The following PTPRM variants were observed in gnomAD, a reference collection of about 807,000 sequenced individuals.
The protein encoded by PTPRM is receptor-type tyrosine-protein phosphatase mu.
Under a neutral mutation model 186.7 loss-of-function variants are expected in PTPRM, and 47 were observed. The observed-to-expected ratio is 0.25, with a 90% confidence interval of 0.20 to 0.32. PTPRM has a LOEUF of 0.32. PTPRM is among the 10% of genes least tolerant of loss of function. The pLI, the probability that PTPRM is intolerant of heterozygous loss-of-function variation, is 1.00. For missense variants in PTPRM, 1,494 were observed against 1,865.0 expected, an observed-to-expected ratio of 0.80 and a Z score of 3.66; for synonymous variants, 668 against 674.9, an observed-to-expected ratio of 0.99 and a Z score of 0.16.
chr18:7,925,268 A>G (rs1317303246), intron 4 of PTPRM, among the ~76,000 whole-genome samples: 1 of 152,206 alleles, frequency 6.6e-6, no homozygotes, highest in African/African-American at 2.4e-5. Context: ...TTAATATATT[A>G]GTATTAAGAA....
intron 6 of PTPRM, among the ~76,000 whole-genome samples, chr18:7,953,979 G>C (rs1397306331): frequency 2.0e-5 from 3 of 152,084 alleles, no homozygotes; most frequent in Non-Finnish European, 4.4e-5. Flanking sequence ...CATAGATACA[G>C]TCTTGAAAAA....
At chr18:7,701,830 G>A (rs1322978509) in intron 1 of PTPRM, among the ~76,000 whole-genome samples, 3 of 151,978 alleles carry the variant, frequency 2.0e-5, no homozygotes, top group Admixed American at 6.6e-5. Flanking sequence ...TCTACATTAG[G>A]TATTACTCCT....
intron 1 of PTPRM, among the ~76,000 whole-genome samples, chr18:7,624,567 C>G (rs1333742519): frequency 6.6e-6 from 1 of 151,958 alleles, no homozygotes; most frequent in Admixed American, 6.6e-5. Context: ...CTTACTGCAG[C>G]CTTGACTTCC....
intron 1 of PTPRM, among the ~76,000 whole-genome samples, chr18:7,580,424 C>T (rs1015838252): frequency 3.9e-5 from 6 of 152,154 alleles, no homozygotes; most frequent in African/African-American, 9.7e-5. Context: ...TTAGCATAAG[C>T]GAAGTTCACT....
At chr18:8,289,541 T>TATATATACATATATATATACACAC (rs1568674720) in intron 19 of PTPRM, among the ~76,000 whole-genome samples, 10 of 81,212 alleles carry the variant, frequency 1.2e-4, no homozygotes, top group African/African-American at 6.5e-4. Flanking sequence ...TATACACATA[T>TATATATACATATATATATACACAC]ATATATATAC....
chr18:8,293,554 T>C (rs995619614), intron 19 of PTPRM, among the ~76,000 whole-genome samples: 5 of 152,342 alleles, frequency 3.3e-5, no homozygotes, highest in Admixed American at 6.5e-5. Context: ...TCTGAGAACT[T>C]TTTAGATGGG....
At chr18:8,015,456 A>G (rs564137283) in intron 7 of PTPRM, among the ~76,000 whole-genome samples, 5 of 152,360 alleles carry the variant, frequency 3.3e-5, no homozygotes, top group Non-Finnish European at 7.3e-5. Flanking sequence ...AATTTGAAAT[A>G]TGAAACATAG....
intron 7 of PTPRM, among the ~76,000 whole-genome samples, chr18:8,046,101 A>C (rs2148213962): frequency 6.6e-6 from 1 of 152,186 alleles, no homozygotes; most frequent in African/African-American, 2.4e-5. Context: ...TGGTTTTATA[A>C]GTGCTTGTCA....
At chr18:7,680,610 G>A (rs907472743) in intron 1 of PTPRM, among the ~76,000 whole-genome samples, 1 of 152,114 alleles carries the variant, frequency 6.6e-6, no homozygotes, top group African/African-American at 2.4e-5. Context: ...AATTGCACAT[G>A]GGCCAGAGAC....
chr18:8,271,938 G>T (rs1048776833), intron 19 of PTPRM, among the ~76,000 whole-genome samples: 2 of 152,012 alleles, frequency 1.3e-5, no homozygotes, highest in African/African-American at 4.8e-5. Context: ...TTGGCTGAGC[G>T]CAGTGGCTCA....
intron 7 of PTPRM, among the ~76,000 whole-genome samples, chr18:8,009,005 G>T (rs1600042089): frequency 6.6e-6 from 1 of 152,212 alleles, no homozygotes. Flanking sequence ...CCCCTCAAAG[G>T]AGATGCTGTA....
At chr18:8,049,435 A>G (rs187913636) in intron 7 of PTPRM, 5 of 152,350 alleles carry the variant, frequency 3.3e-5, no homozygotes, top group Admixed American at 1.3e-4. Context: ...AAATAGGTAA[A>G]TACTGCAGAA....
intron 23 of PTPRM, among the ~76,000 whole-genome samples, chr18:8,344,448 G>GTGTGTGTA (rs1360655194): frequency 2.4e-4 from 8 of 33,428 alleles, no homozygotes; most frequent in African/African-American, 6.0e-4. Flanking sequence ...GTGTGTGTGT[G>GTGTGTGTA]TATATATATA....
intron 7 of PTPRM, among the ~76,000 whole-genome samples, chr18:8,045,123 G>A (rs1681776000): frequency 6.6e-6 from 1 of 152,210 alleles, no homozygotes; most frequent in African/African-American, 2.4e-5. Flanking sequence ...AAGGCAGGCT[G>A]ATTACTTGAG....
chr18:8,047,946 A>G (rs2087183239), intron 7 of PTPRM, among the ~76,000 whole-genome samples: 1 of 152,208 alleles, frequency 6.6e-6, no homozygotes, highest in South Asian at 2.1e-4. Flanking sequence ...TACGGAACAG[A>G]TGATAGGCCT....
intron 11 of PTPRM, among the ~76,000 whole-genome samples, chr18:8,109,466 T>C (rs557051956): frequency 6.6e-6 from 1 of 152,306 alleles, no homozygotes; most frequent in African/African-American, 2.4e-5. Flanking sequence ...TATCTGAAGA[T>C]GAGTGGATAG....
At chr18:8,023,611 TC>T (rs771147460) in intron 7 of PTPRM, among the ~76,000 whole-genome samples, 2 of 152,154 alleles carry the variant, frequency 1.3e-5, no homozygotes, top group Non-Finnish European at 2.9e-5. Context: ...CTATTGTTCT[TC>T]CTGAGAATTA....
rs532635110 is a variant in PTPRM at position 8,056,842 on chromosome 18, A to G, written c.1133-12844A>G. 2.0e-5 allele frequency among the ~76,000 whole-genome samples: 3 copies of G among 152,056 alleles called. No individual in the cohort carries two copies. In the South Asian group the frequency reaches 6.2e-4, roughly 32 times the overall value. Reference sequence around the variant, plus strand: ...TTGTACTTAGAGATGTATAACATCTACAAGTCAGCAGTCTTACTTTTAACA... The same window carrying G: ...TTGTACTTAGAGATGTATAACATCTGCAAGTCAGCAGTCTTACTTTTAACA... On this transcript the variant is annotated intron_variant, in intron 7 of 32. Transcript: ENST00000580170.
At chr18:7,995,983 C>G (rs948837137) in intron 7 of PTPRM, among the ~76,000 whole-genome samples, 3 of 151,986 alleles carry the variant, frequency 2.0e-5, no homozygotes, top group African/African-American at 7.3e-5. Context: ...CTTTCTAATT[C>G]CAGTATTCCT....
Sources: gnomAD v4.1 joint callset for allele counts (sites outside exome capture counted in the v4.1 genomes callset) on GRCh38, gnomAD v4.1.1 for gene constraint, MANE v1.5 for transcripts, NCBI Gene and HGNC (gene_info 2026-07-23, HGNC 2026-07-21) for gene names.